RASAL2: variants seen among roughly 807,000 people sequenced by gnomAD.
RASAL2 encodes the protein ras GTPase-activating protein nGAP.
Under a neutral mutation model 128.9 loss-of-function variants are expected in RASAL2, and 58 were observed. The ratio of observed to expected loss-of-function variants is 0.45; its 90% CI spans 0.36 to 0.56. The LOEUF is 0.56. Ranked by LOEUF, RASAL2 falls within the 20% of genes least tolerant of loss-of-function variation. RASAL2 has a pLI of 0.00. For missense variants in RASAL2, 1,360 were observed against 1,601.6 expected, an observed-to-expected ratio of 0.85 and a Z score of 2.57; for synonymous variants, 561 against 580.8, an observed-to-expected ratio of 0.97 and a Z score of 0.49.
intron 3 of RASAL2, among the ~76,000 whole-genome samples, chr1:178,359,124 C>T (rs558941715): frequency 6.6e-6 from 1 of 152,238 alleles, no homozygotes; most frequent in Non-Finnish European, 1.5e-5. Flanking sequence ...AGTAAATTGT[C>T]TCCCAAATAA....
intron 1 of RASAL2, among the ~76,000 whole-genome samples, chr1:178,180,623 C>T (rs1270565435): frequency 6.7e-6 from 1 of 148,978 alleles, no homozygotes; most frequent in Non-Finnish European, 1.5e-5. Flanking sequence ...GCTGCGATCA[C>T]AGCACTGCAT....
chr1:178,144,499 C>G (rs929963323), intron 1 of RASAL2, among the ~76,000 whole-genome samples: 1 of 152,178 alleles, frequency 6.6e-6, no homozygotes, highest in Non-Finnish European at 1.5e-5. Context: ...TGTCTATTGC[C>G]TAATACTGTG....
intron 1 of RASAL2, among the ~76,000 whole-genome samples, chr1:178,217,100 C>A (rs913777891): frequency 2.0e-5 from 3 of 152,074 alleles, no homozygotes; most frequent in African/African-American, 7.2e-5. Flanking sequence ...CTCAGCCCAC[C>A]GAGTAGCTGG....
intron 5 of RASAL2, among the ~76,000 whole-genome samples, chr1:178,430,592 T>G (rs1440352055): frequency 6.6e-6 from 1 of 152,104 alleles, no homozygotes; most frequent in Non-Finnish European, 1.5e-5. Context: ...ACATTTGTAT[T>G]GTACTGCAGT....
chr1:178,219,465 A>T (rs1663540982), intron 1 of RASAL2, among the ~76,000 whole-genome samples: 1 of 150,878 alleles, frequency 6.6e-6, no homozygotes, highest in Non-Finnish European at 1.5e-5. Context: ...TGGGCAACAA[A>T]CCCTATTTCT....
chr1:178,398,306 T>G (rs1289092132), intron 4 of RASAL2, among the ~76,000 whole-genome samples: 1 of 152,168 alleles, frequency 6.6e-6, no homozygotes, highest in African/African-American at 2.4e-5. Context: ...TGTGGAATAT[T>G]TTTTAATTTT....
intron 1 of RASAL2, among the ~76,000 whole-genome samples, chr1:178,137,519 A>AAGCAG: frequency 6.6e-6 from 1 of 152,352 alleles, no homozygotes; most frequent in East Asian, 1.9e-4. Flanking sequence ...TCTAAGGCAC[A>AAGCAG]TACAATCCCA....
intron 4 of RASAL2, 79 bp from the exon 5 acceptor site, chr1:178,420,432 T>C: frequency 1.2e-6 from 1 of 846,332 alleles, no homozygotes; most frequent in African/African-American, 1.7e-5. Context: ...AAAGTCTAAA[T>C]ACCTTTTGCA....
intron 1 of RASAL2, among the ~76,000 whole-genome samples, chr1:178,183,627 A>G (rs1199445740): frequency 2.0e-5 from 3 of 152,190 alleles, no homozygotes; most frequent in African/African-American, 7.2e-5. Context: ...ATGTAGTAAT[A>G]TGCCTTTAGG....
chr1:178,398,704 T>A (rs1003992488), intron 4 of RASAL2, among the ~76,000 whole-genome samples: 1 of 152,218 alleles, frequency 6.6e-6, no homozygotes, highest in East Asian at 1.9e-4. Context: ...TCTTAAAAAA[T>A]TTTCCCTTGA....
At chr1:178,185,340 G>T (rs189500364) in intron 1 of RASAL2, among the ~76,000 whole-genome samples, 1 of 151,782 alleles carries the variant, frequency 6.6e-6, no homozygotes, top group Non-Finnish European at 1.5e-5. Context: ...TAGTTAGGAC[G>T]TATGGTAGGA....
At chr1:178,348,283 T>A (rs1295662327) in intron 3 of RASAL2, among the ~76,000 whole-genome samples, 1 of 152,150 alleles carries the variant, frequency 6.6e-6, no homozygotes, top group East Asian at 1.9e-4. Context: ...TACACTGCTC[T>A]TTTTTCTTTT....
At position 178,114,062 on chromosome 1, in the gene RASAL2, GT is replaced by G. The variant is rs35864957; in HGVS notation, c.202+19377del. On this transcript the variant is annotated intron_variant, in intron 1 of 17. Transcript: ENST00000367649. ...GCTAAACTCATTTATTATTTCTAGT[GT>G]TTTTTTTTGTTTTGTTTTGTTTTTT... 7.3e-5 allele frequency among the ~76,000 whole-genome samples: 11 copies of G among 150,354 alleles called. 1 individual carries two copies. In the East Asian group the frequency reaches 1.6e-3, roughly 22 times the overall value.
chr1:178,441,434 A>C (rs781501395), intron 6 of RASAL2, 115 bp from the exon 7 acceptor site: 80 of 666,876 alleles, frequency 1.2e-4, no homozygotes, highest in Non-Finnish European at 1.9e-4. Flanking sequence ...ATCCATCCTA[A>C]TTCCAGGACA....
chr1:178,286,440 C>T (rs1222094640), intron 2 of RASAL2, among the ~76,000 whole-genome samples: 6 of 136,346 alleles, frequency 4.4e-5, no homozygotes, highest in East Asian at 2.0e-4. Flanking sequence ...GATGGAGTCT[C>T]TCTCTTGTTT....
intron 1 of RASAL2, among the ~76,000 whole-genome samples, chr1:178,261,160 A>G (rs1665676279): frequency 6.6e-6 from 1 of 152,206 alleles, no homozygotes; most frequent in African/African-American, 2.4e-5. Flanking sequence ...GCCAGTTTCC[A>G]ATCTGTATTT....
intron 1 of RASAL2, among the ~76,000 whole-genome samples, chr1:178,241,598 C>G (rs1664502274): frequency 1.3e-5 from 2 of 152,054 alleles, no homozygotes; most frequent in South Asian, 4.1e-4. Context: ...TACATTGAGC[C>G]TTGATCATGA....
chr1:178,124,185 T>A (rs1206935687), intron 1 of RASAL2, among the ~76,000 whole-genome samples: 3 of 152,158 alleles, frequency 2.0e-5, no homozygotes, highest in Non-Finnish European at 4.4e-5. Context: ...TTATTAAATT[T>A]TATGTAGAGA....
In RASAL2 at chr1:178,094,607, C is replaced by G. The variant is rs1178230478; in HGVS notation, c.115C>G (p.Pro39Ala). Residue 39 changes from proline to alanine, a missense_variant, in exon 1 of 18, where the codon CCA becomes GCA. Physicochemically the swap from Pro to Ala is conservative, Grantham distance 27. Around this residue, in one of 3 missense-constraint regions of RASAL2, gnomAD observed 617 missense variants for 714.2 expected, o/e 0.86. Coordinates refer to ENST00000367649, the MANE Select transcript of RASAL2 (RefSeq NM_170692.4). ...LPPEDLDAVV[P>A]VSGAVAGGML... is the part of the protein sequence containing the mutation. ...CCCGGAGGACCTGGACGCGGTTGTC[C>G]CAGTCAGTGGAGCCGTCGCCGGTGG... 1 of 1,612,666 alleles carries G rather than the reference C, an allele frequency of 6.2e-7. No individual in the cohort carries two copies. Among genetic ancestry groups the G allele is most frequent in the Non-Finnish European group, 8.5e-7 (1 of 1,179,556 alleles).
Sources: allele counts gnomAD v4.1 joint callset (sites outside exome capture counted in the v4.1 genomes callset), GRCh38; gene constraint gnomAD v4.1.1; regional missense constraint gnomAD v4.1.1; transcripts MANE v1.5; gene names NCBI Gene and HGNC (gene_info 2026-07-23, HGNC 2026-07-21).